The following EXOC4 variants were observed in gnomAD, a reference collection of about 807,000 sequenced individuals.
EXOC4 encodes the protein SEC8-like 1.
In EXOC4, 71 loss-of-function variants were observed where a neutral mutation model predicts 107.2. The ratio of observed to expected loss-of-function variants is 0.66; its 90% CI spans 0.55 to 0.81. The LOEUF (loss-of-function observed/expected upper bound fraction) is 0.81, where lower values mean the gene tolerates loss of function less well. EXOC4 is among the 30% of genes least tolerant of loss of function. The pLI is 0.00. For synonymous variants in EXOC4, 456 were observed against 441.2 expected (o/e 1.03, Z -0.42); for missense variants, 1,108 against 1,189.6 (o/e 0.93, Z 1.01).
intron 7 of EXOC4, among the ~76,000 whole-genome samples, chr7:133,451,199 A>AT (rs1201080268): frequency 6.8e-5 from 10 of 146,998 alleles, no homozygotes; most frequent in African/African-American, 2.0e-4. Context: ...GTGGGTCCAG[A>AT]TTTTTTTTTG....
intron 9 of EXOC4, among the ~76,000 whole-genome samples, chr7:133,555,245 A>C (rs544154802): frequency 6.6e-6 from 1 of 152,338 alleles, no homozygotes; most frequent in East Asian, 1.9e-4. Context: ...AGATGGTAAT[A>C]TGTTAGCGAT....
chr7:133,275,434 G>A (rs2150525031), intron 2 of EXOC4, among the ~76,000 whole-genome samples: 1 of 152,284 alleles, frequency 6.6e-6, no homozygotes, highest in East Asian at 1.9e-4. Context: ...AAGCAAGATG[G>A]CCTCCATTTG....
chr7:133,394,996 T>C (rs542659614), intron 7 of EXOC4, among the ~76,000 whole-genome samples: 38 of 152,168 alleles, frequency 2.5e-4, no homozygotes, highest in African/African-American at 8.4e-4. Flanking sequence ...AGTAAATTAC[T>C]TCTGAGAGCC....
intron 11 of EXOC4, among the ~76,000 whole-genome samples, chr7:133,886,481 A>G (rs1799089709): frequency 6.6e-6 from 1 of 152,186 alleles, no homozygotes. Context: ...CCCTGTAATA[A>G]ACTTTAGGTA....
chr7:133,388,449 A>C lies in EXOC4; in HGVS notation c.1182+13447A>C, dbSNP rs191984350. Among the ~76,000 whole-genome samples the C allele has an allele frequency of 5.0e-3, 764 of 152,248 alleles. 6 individuals are homozygous for C. The highest frequency in any genetic ancestry group is 0.017 in the African/African-American group (713 of 41,548). The stretch of plus-strand genomic sequence containing the variant: ...CAGATCACTTGAGGTCAGGAGTTCG[A>C]GACCATCCTGGCCAATGTGGTGAAA... On this transcript the variant is annotated intron_variant, in intron 7 of 17. Coordinates refer to ENST00000253861, the MANE Select transcript of EXOC4 (RefSeq NM_021807.4).
chr7:133,676,717 T>A (rs1794065682), intron 10 of EXOC4, among the ~76,000 whole-genome samples: 1 of 152,164 alleles, frequency 6.6e-6, no homozygotes, highest in Admixed American at 6.5e-5. Context: ...AGTAAATAAA[T>A]TAATTAATAG....
chr7:134,050,780 A>G (rs9656434), intron 17 of EXOC4, among the ~76,000 whole-genome samples: 37,465 of 152,070 alleles, frequency 0.25, 5,176 homozygotes, highest in East Asian at 0.51. Context: ...GTCAATGTTG[A>G]AAGTTTGGAC....
intron 7 of EXOC4, among the ~76,000 whole-genome samples, chr7:133,404,684 T>G (rs538651799): frequency 1.3e-5 from 2 of 152,198 alleles, no homozygotes; most frequent in East Asian, 3.9e-4. Context: ...TGTGCACAGC[T>G]GTCTTACTGC....
intron 7 of EXOC4, among the ~76,000 whole-genome samples, chr7:133,420,053 C>A (rs955142587): frequency 2.0e-5 from 3 of 146,650 alleles, no homozygotes; most frequent in Non-Finnish European, 4.5e-5. Context: ...ATGTGCCATG[C>A]TGGTGCGCTG....
chr7:133,638,989 A>G (rs1191677160), intron 10 of EXOC4, among the ~76,000 whole-genome samples: 1 of 152,184 alleles, frequency 6.6e-6, no homozygotes, highest in East Asian at 1.9e-4. Flanking sequence ...ATGTATTCTG[A>G]ACATGTGTTC....
At chr7:133,866,697 T>C (rs1000007954) in intron 11 of EXOC4, among the ~76,000 whole-genome samples, 5 of 152,004 alleles carry the variant, frequency 3.3e-5, no homozygotes, top group Admixed American at 3.3e-4. Context: ...CAAGAGCCTA[T>C]GTGCTCTAAA....
chr7:133,801,384 A>G (rs1263369679), intron 10 of EXOC4, among the ~76,000 whole-genome samples: 3 of 152,170 alleles, frequency 2.0e-5, no homozygotes. Flanking sequence ...TTCACTGGGT[A>G]TTAGGAAGAT....
intron 9 of EXOC4, among the ~76,000 whole-genome samples, chr7:133,620,755 A>G (rs1284766980): frequency 2.0e-5 from 3 of 152,242 alleles, no homozygotes; most frequent in Non-Finnish European, 4.4e-5. Flanking sequence ...TCTCTGAGCT[A>G]GATATACTCA....
chr7:133,589,793 C>G (rs1801497211), intron 9 of EXOC4, among the ~76,000 whole-genome samples: 1 of 152,164 alleles, frequency 6.6e-6, no homozygotes, highest in South Asian at 2.1e-4. Context: ...TCAAGATTGT[C>G]TTTTCCCTTC....
intron 12 of EXOC4, among the ~76,000 whole-genome samples, chr7:133,900,737 T>G (rs897076570): frequency 6.6e-6 from 1 of 152,172 alleles, no homozygotes; most frequent in Non-Finnish European, 1.5e-5. Context: ...GAGGTAAACT[T>G]GATAAGACTT....
chr7:133,768,962 A>C (rs900110396), intron 10 of EXOC4, among the ~76,000 whole-genome samples: 3 of 151,974 alleles, frequency 2.0e-5, no homozygotes, highest in African/African-American at 7.2e-5. Flanking sequence ...ATGAATGAGA[A>C]ATTAGGCAGA....
chr7:133,333,350 A>C (rs1424113050), intron 5 of EXOC4, among the ~76,000 whole-genome samples: 2 of 152,074 alleles, frequency 1.3e-5, no homozygotes, highest in Non-Finnish European at 2.9e-5. Context: ...ACTTCCTTAC[A>C]TTCTGGTACC....
intron 7 of EXOC4, among the ~76,000 whole-genome samples, chr7:133,406,082 G>T (rs1261017704): frequency 6.6e-6 from 1 of 152,200 alleles, no homozygotes; most frequent in Non-Finnish European, 1.5e-5. Flanking sequence ...TAACAAATAT[G>T]TGTATAGTGA....
At chr7:133,922,881 CTA>C (rs1799969076) in intron 13 of EXOC4, among the ~76,000 whole-genome samples, 1 of 151,248 alleles carries the variant, frequency 6.6e-6, no homozygotes. Flanking sequence ...ATGTGTGTTT[CTA>C]TGTGTGTGTG....
Sources: gnomAD v4.1 joint callset for allele counts (sites outside exome capture counted in the v4.1 genomes callset) on GRCh38, gnomAD v4.1.1 for gene constraint, MANE v1.5 for transcripts, NCBI Gene and HGNC (gene_info 2026-07-23, HGNC 2026-07-21) for gene names.